The following MYO1E variants were observed in gnomAD, a reference collection of about 807,000 sequenced individuals.
MYO1E encodes the protein myosin IE.
MYO1E carries 68 observed loss-of-function variants against 151.1 expected under a neutral mutation model. The observed-to-expected ratio is 0.45, with a 90% CI of 0.37 to 0.55. MYO1E has a LOEUF of 0.55. Ranked by LOEUF, MYO1E falls within the 20% of genes least tolerant of loss-of-function variation. The pLI is 0.00. For missense variants in MYO1E, 1,363 were observed against 1,389.3 expected (o/e 0.98, Z 0.30); for synonymous variants, 601 against 501.7 (o/e 1.20, Z -2.64).
At chr15:59,290,170 C>G (rs2080410557) in intron 1 of MYO1E, among the ~76,000 whole-genome samples, 1 of 152,160 alleles carries the variant, frequency 6.6e-6, no homozygotes, top group Non-Finnish European at 1.5e-5. Flanking sequence ...CAGATTTGTA[C>G]TGGTTTGGTG....
intron 4 of MYO1E, among the ~76,000 whole-genome samples, chr15:59,254,675 G>A (rs1374940396): frequency 4.5e-5 from 5 of 110,916 alleles, no homozygotes; most frequent in African/African-American, 1.3e-4. Flanking sequence ...CACAATAAAA[G>A]GTTTTTTTTT....
In MYO1E at chr15:59,279,612, C is replaced by G. The variant is rs539087954; in HGVS notation, c.4-7163G>C. Among the ~76,000 whole-genome samples the G allele has an allele frequency of 3.5e-4, 53 of 152,282 alleles. 1 individual carries two copies. The highest frequency in any genetic ancestry group is 2.0e-3 in the Admixed American group (30 of 15,288). On this transcript the variant is annotated intron_variant, in intron 1 of 27. Transcript: ENST00000288235. Reference sequence around the variant, plus strand: ...AGGGGTTCATAACACTACACTCCCCCCTGGGCCACTGGGAAGATCAAATAA... The same window carrying G: ...AGGGGTTCATAACACTACACTCCCCGCTGGGCCACTGGGAAGATCAAATAA...
chr15:59,251,889 C>T (rs115923941), intron 4 of MYO1E, among the ~76,000 whole-genome samples: 1,576 of 152,232 alleles, frequency 0.01, 31 homozygotes, highest in African/African-American at 0.036. Flanking sequence ...ATTTTGACTG[C>T]AAATATTGGA....
At chr15:59,232,594 G>A (rs1275463250) in intron 5 of MYO1E, among the ~76,000 whole-genome samples, 3 of 152,232 alleles carry the variant, frequency 2.0e-5, no homozygotes, top group Admixed American at 2.0e-4. Context: ...TTCAACAAGT[G>A]AGTCATTCCT....
rs372417136 is a variant in MYO1E at position 59,326,643 on chromosome 15, A to C, written c.3+45855T>G. 2.2e-4 allele frequency among the ~76,000 whole-genome samples: 34 copies of C among 152,348 alleles called. 1 individual carries two copies. The East Asian group carries it at 5.6e-3, about 25-fold the overall frequency. On this transcript the variant is annotated intron_variant, in intron 1 of 27. Transcript: ENST00000288235. ...ATTTTTTAATTATTATTTTGAGCCT[A>C]AATGTCTCCTAACCAAGAGATTTAC...
Position 59,233,437 on chromosome 15 carries a change from G to A in MYO1E, c.421-1646C>T, listed in dbSNP as rs563632330. 3.9e-5 allele frequency among the ~76,000 whole-genome samples: 6 copies of A among 152,104 alleles called. No individual in the cohort carries two copies. The South Asian group carries it at 6.2e-4, about 16-fold the overall frequency. Reference sequence around the variant, plus strand: ...TCCCAGCACTTTGGGAAGCCAAGGCGGGCGGATCATGAGGTCAACAGATCA... The same window carrying A: ...TCCCAGCACTTTGGGAAGCCAAGGCAGGCGGATCATGAGGTCAACAGATCA... On this transcript the variant is annotated intron_variant, in intron 5 of 27. Transcript: ENST00000288235.
intron 1 of MYO1E, among the ~76,000 whole-genome samples, chr15:59,284,194 C>A (rs2080373699): frequency 6.6e-6 from 1 of 152,252 alleles, no homozygotes; most frequent in Non-Finnish European, 1.5e-5. Flanking sequence ...CCAGGCTACA[C>A]TGACTCACCT....
rs149368884 is a variant in MYO1E at position 59,199,717 on chromosome 15, A to G, written c.1698+2609T>C. On this transcript the variant is annotated intron_variant, in intron 16 of 27. Transcript: ENST00000288235. ...ATAATTAGAATATAATGAAATCTAT[A>G]ACACTACGATGACCTTGAACACAAG... Among the ~76,000 whole-genome samples, 768 of 152,370 alleles carry G rather than the reference A, an allele frequency of 5.0e-3. 6 individuals are homozygous for G. Among genetic ancestry groups the G allele is most frequent in the Middle Eastern group, 0.01 (3 of 294 alleles).
chr15:59,213,136 T>TTTATTTATTTATTA, intron 12 of MYO1E, among the ~76,000 whole-genome samples: 1 of 139,368 alleles, frequency 7.2e-6, no homozygotes, highest in East Asian at 2.1e-4. Flanking sequence ...GAACTATTTA[T>TTTATTTATTTATTA]TTATTATTAT....
chr15:59,251,725 T>C (rs181055179), intron 4 of MYO1E, among the ~76,000 whole-genome samples: 61 of 152,378 alleles, frequency 4.0e-4, no homozygotes, highest in Non-Finnish European at 6.2e-4. Flanking sequence ...CAGTACTGAC[T>C]TGGGAACCAT....
chr15:59,359,261 T>A (rs12442217), intron 1 of MYO1E, among the ~76,000 whole-genome samples: 106,439 of 146,290 alleles, frequency 0.73, 41,834 homozygotes, highest in Non-Finnish European at 0.88. Context: ...CCCTGTAAAA[T>A]ATATATATAT....
chr15:59,366,362 C>T (rs764047660), intron 1 of MYO1E, among the ~76,000 whole-genome samples: 1 of 151,454 alleles, frequency 6.6e-6, no homozygotes, highest in Non-Finnish European at 1.5e-5. Flanking sequence ...AGTTACAGCT[C>T]ACTGCATACT....
intron 17 of MYO1E, among the ~76,000 whole-genome samples, chr15:59,193,806 G>A (rs1301024522): frequency 6.6e-6 from 1 of 152,144 alleles, no homozygotes; most frequent in African/African-American, 2.4e-5. Context: ...ATCCGGGCCT[G>A]AATATCATTA....
Position 59,171,962 on chromosome 15 carries a change from C to G in MYO1E, c.2415G>C (p.Lys805Asn). 1 of 1,614,206 alleles carries G rather than the reference C, an allele frequency of 6.2e-7. No individual in the cohort carries two copies. Among genetic ancestry groups the G allele is most frequent in the Non-Finnish European group, 8.5e-7 (1 of 1,180,030 alleles). The change falls in exon 22 of 28, where the codon AAG becomes AAC. Residue 805 changes from lysine (K) to asparagine (N), a missense_variant. Coordinates refer to ENST00000288235, the MANE Select transcript of MYO1E (RefSeq NM_004998.4). ...GCTTCAGGACTTCTTTCACCAGGCC[C>G]TTGTCTGGGCCCTGTTTGACTTTTT... The part of the protein sequence containing the change: ...GREKVKQGPD[K>N]GLVKEVLKRK...
At chr15:59,365,193 A>G (rs1404865902) in intron 1 of MYO1E, among the ~76,000 whole-genome samples, 1 of 151,584 alleles carries the variant, frequency 6.6e-6, no homozygotes, top group African/African-American at 2.4e-5. Flanking sequence ...CTAATTTTTT[A>G]TTTTTAGTAG....
At chr15:59,154,451 C>T (rs1446499643) in intron 25 of MYO1E, among the ~76,000 whole-genome samples, 1 of 152,218 alleles carries the variant, frequency 6.6e-6, no homozygotes, top group African/African-American at 2.4e-5. Flanking sequence ...TGGCAGGCTC[C>T]AAACCATGCG....
chr15:59,277,564 A>AAAAAAAAAAAAAAAAAAAAAAAAC (rs1555416379), intron 1 of MYO1E, among the ~76,000 whole-genome samples: 4 of 139,776 alleles, frequency 2.9e-5, no homozygotes, highest in African/African-American at 1.1e-4. Flanking sequence ...AAAAAAAAAA[A>AAAAAAAAAAAAAAAAAAAAAAAAC]AAAAAAAAAC....
chr15:59,272,162 C>A (rs2080292340), intron 2 of MYO1E, 144 bp downstream of exon 2: 7 of 868,070 alleles, frequency 8.1e-6, no homozygotes. Context: ...CCCTGTGTTG[C>A]CAGGATGGTC....
chr15:59,226,050 T>TG (rs1399077402), intron 7 of MYO1E, among the ~76,000 whole-genome samples: 1 of 152,176 alleles, frequency 6.6e-6, no homozygotes, highest in East Asian at 1.9e-4. Context: ...GGGGGAGGGT[T>TG]GGGGCTTGCA....
Sources: allele counts gnomAD v4.1 joint callset (sites outside exome capture counted in the v4.1 genomes callset), GRCh38; gene constraint gnomAD v4.1.1; transcripts MANE v1.5; gene names NCBI Gene and HGNC (gene_info 2026-07-23, HGNC 2026-07-21).